Variants in SNX29 observed in about 807,000 individuals in gnomAD.
The protein encoded by SNX29 is sorting nexin-29.
In SNX29, 78 loss-of-function variants were observed where a neutral mutation model predicts 102.1. The observed-to-expected ratio is 0.76, with a 90% confidence interval of 0.64 to 0.92. SNX29 has a LOEUF of 0.92. Among genes scored for constraint, SNX29 ranks in the 40% least tolerant of loss-of-function variants. The pLI, the probability that SNX29 is intolerant of heterozygous loss-of-function variation, is 0.00. For missense variants in SNX29, 1,280 were observed against 1,061.7 expected (o/e 1.21, Z -2.86); for synonymous variants, 580 against 414.5 (o/e 1.40, Z -4.85).
intron 13 of SNX29, among the ~76,000 whole-genome samples, chr16:12,161,586 C>T (rs1002473545): frequency 3.3e-5 from 5 of 152,098 alleles, no homozygotes; most frequent in Admixed American, 1.3e-4. Flanking sequence ...CCAAATCTTA[C>T]GTTAAAATGT....
At chr16:12,472,864 TGAA>T (rs1015383748) in intron 18 of SNX29, among the ~76,000 whole-genome samples, 1 of 152,136 alleles carries the variant, frequency 6.6e-6, no homozygotes, top group Non-Finnish European at 1.5e-5. Context: ...CCTCTTAAAA[TGAA>T]GAAGAAAGGG....
At chr16:12,280,446 G>C (rs2079395638) in intron 15 of SNX29, among the ~76,000 whole-genome samples, 1 of 152,186 alleles carries the variant, frequency 6.6e-6, no homozygotes, top group African/African-American at 2.4e-5. Flanking sequence ...GGGTGAGTGT[G>C]GAACCACCAA....
intron 16 of SNX29, chr16:12,375,981 C>G (rs1318418807): frequency 7.6e-6 from 1 of 131,280 alleles, no homozygotes; most frequent in Non-Finnish European, 1.5e-5. Flanking sequence ...TGCAGTGAGC[C>G]AAGATCGACC....
At position 12,572,721 on chromosome 16, in the gene SNX29, A is replaced by T. The variant is rs1437788195; in HGVS notation, c.*4092A>T. ...GCAGCATCTTCCAGCCTTGGCACAGAACTGATGGCAAAGGAAGGGCTGGGT... is the reference window on the plus strand; with the variant it reads ...GCAGCATCTTCCAGCCTTGGCACAGTACTGATGGCAAAGGAAGGGCTGGGT... On this transcript the variant is annotated 3_prime_UTR_variant, in exon 21 of 21. Transcript: ENST00000566228. 1.9e-6 allele frequency: 2 copies of T among 1,063,838 alleles called. No individual in the cohort carries two copies. The highest frequency in any genetic ancestry group is 2.3e-6 in the Non-Finnish European group (2 of 878,462). The allele number at this position is 1,063,838 out of a possible 1,614,324, so 65.9% of individuals were successfully genotyped here. A position where few individuals can be genotyped will look rare whatever the true frequency, so the allele number is the denominator to read the frequency against.
chr16:12,164,001 T>C (rs574730713), intron 13 of SNX29, among the ~76,000 whole-genome samples: 2 of 152,194 alleles, frequency 1.3e-5, no homozygotes, highest in East Asian at 3.9e-4. Context: ...AAGATGATGA[T>C]GTGAATCTGC....
intron 13 of SNX29, among the ~76,000 whole-genome samples, chr16:12,146,412 C>T (rs139925761): frequency 3.9e-5 from 6 of 152,182 alleles, no homozygotes; most frequent in African/African-American, 9.6e-5. Context: ...ATTATAGGCA[C>T]GCACCATCAT....
chr16:12,477,817 G>T lies in SNX29; in HGVS notation c.2136G>T (p.Val712=), dbSNP rs756977266. The T allele has an allele frequency of 5.0e-6, 8 of 1,612,936 alleles. No homozygotes were observed. The highest frequency in any genetic ancestry group is 1.3e-5 in the African/African-American group (1 of 74,860). The change falls in exon 19 of 21, where the codon GTG becomes GTT. Residue 712 remains valine (V), a synonymous_variant. Coordinates refer to ENST00000566228, the MANE Select transcript of SNX29 (RefSeq NM_032167.5). ...AGTTACAAAACAAGTACCCTCAAGTGAGGGCCTACAACTTCCCACCCAAAA... is the reference window on the plus strand; with the variant it reads ...AGTTACAAAACAAGTACCCTCAAGTTAGGGCCTACAACTTCCCACCCAAAA... ...HHKLQNKYPQ[V]RAYNFPPKKA...
At chr16:12,149,536 G>T (rs1178568742) in intron 13 of SNX29, among the ~76,000 whole-genome samples, 1 of 152,154 alleles carries the variant, frequency 6.6e-6, no homozygotes, top group Non-Finnish European at 1.5e-5. Flanking sequence ...AGATCAGATT[G>T]TCCCTATAGT....
At chr16:12,452,578 G>A (rs1169262518) in intron 18 of SNX29, among the ~76,000 whole-genome samples, 5 of 152,018 alleles carry the variant, frequency 3.3e-5, no homozygotes, top group Admixed American at 3.3e-4. Context: ...TGTGGATGGG[G>A]AGGGCATCTG....
chr16:12,050,767 A>G (rs1015430932), intron 7 of SNX29, among the ~76,000 whole-genome samples: 1 of 151,998 alleles, frequency 6.6e-6, no homozygotes, highest in Non-Finnish European at 1.5e-5. Context: ...ACTGGAGTGC[A>G]ATGGCGCAAT....
intron 18 of SNX29, among the ~76,000 whole-genome samples, chr16:12,454,781 G>A (rs542811036): frequency 1.8e-4 from 28 of 152,072 alleles, no homozygotes; most frequent in African/African-American, 6.8e-4. Context: ...GTGCAGTGGC[G>A]TGATCTCGGC....
At chr16:12,158,345 G>A (rs552967691) in intron 13 of SNX29, among the ~76,000 whole-genome samples, 24 of 151,952 alleles carry the variant, frequency 1.6e-4, no homozygotes, top group Non-Finnish European at 7.4e-5. Flanking sequence ...GATTACAGAC[G>A]TGCGCCACCA....
chr16:12,194,110 C>G (rs2076712343), intron 13 of SNX29, among the ~76,000 whole-genome samples: 1 of 152,138 alleles, frequency 6.6e-6, no homozygotes, highest in East Asian at 1.9e-4. Context: ...TTTGAGTCTT[C>G]TAAGCCATGA....
rs1326819941 is a variant in SNX29 at position 12,568,827 on chromosome 16, C to G, written c.*198C>G. The G allele has an allele frequency of 8.7e-6, 7 of 809,126 alleles. No individual in the cohort carries two copies. The highest frequency in any genetic ancestry group is 1.1e-5 in the Non-Finnish European group (6 of 532,430). 50.1% of individuals were successfully genotyped at this position (809,126 alleles called of 1,614,324 possible). On this transcript the variant is annotated 3_prime_UTR_variant, in exon 21 of 21. Coordinates refer to ENST00000566228, the MANE Select transcript of SNX29 (RefSeq NM_032167.5). ...CGCATGATACCGTGACCCGAGAGAC[C>G]AAGGCAGCACCTCGCTGGAGAGACT...
At chr16:12,193,916 C>G (rs1387965942) in intron 13 of SNX29, among the ~76,000 whole-genome samples, 2 of 152,176 alleles carry the variant, frequency 1.3e-5, no homozygotes, top group Non-Finnish European at 2.9e-5. Flanking sequence ...TAAAATTGGG[C>G]AATGTGAGTC....
At chr16:12,199,511 C>T (rs779147414) in intron 13 of SNX29, 90 bp from the exon 14 acceptor site, 26 of 1,084,790 alleles carry the variant, frequency 2.4e-5, no homozygotes, top group Non-Finnish European at 3.4e-5. Context: ...CTTTTCTTTA[C>T]ACAAATTCAC....
At chr16:12,539,196 G>A (rs900438463) in intron 20 of SNX29, among the ~76,000 whole-genome samples, 1 of 152,144 alleles carries the variant, frequency 6.6e-6, no homozygotes, top group Non-Finnish European at 1.5e-5. Flanking sequence ...GCATAGATTT[G>A]AGTAACCACC....
chr16:12,134,930 C>G (rs1327388707), intron 13 of SNX29, among the ~76,000 whole-genome samples: 1 of 152,206 alleles, frequency 6.6e-6, no homozygotes, highest in East Asian at 1.9e-4. Context: ...ACAAGCTGCC[C>G]TCTGCAGGCT....
intron 14 of SNX29, among the ~76,000 whole-genome samples, chr16:12,253,221 G>T (rs991964368): frequency 1.3e-5 from 2 of 152,140 alleles, no homozygotes; most frequent in African/African-American, 4.8e-5. Context: ...CCATGCATTC[G>T]CCTTGATGTA....
Sources: allele counts gnomAD v4.1 joint callset (sites outside exome capture counted in the v4.1 genomes callset), GRCh38; gene constraint gnomAD v4.1.1; transcripts MANE v1.5; gene names NCBI Gene and HGNC (gene_info 2026-07-23, HGNC 2026-07-21).